Variants in MYOF observed in about 807,000 individuals in gnomAD.
The protein encoded by MYOF is fer-1-like 3, myoferlin.
A neutral mutation model predicts 284.2 loss-of-function variants in MYOF; 244 were observed. That is an observed-to-expected ratio of 0.86 (90% confidence interval 0.77 to 0.95). MYOF has a LOEUF of 0.95. Among genes scored for constraint, MYOF ranks in the 40% least tolerant of loss-of-function variants. The probability of loss-of-function intolerance (pLI) is 0.00; values close to 1 mark genes in which losing one functional copy is unlikely to be tolerated. For missense variants in MYOF, 2,496 were observed against 2,560.6 expected (o/e 0.97, Z 0.54); for synonymous variants, 904 against 919.7 (o/e 0.98, Z 0.31).
chr10:93,326,068 T>G, intron 45 of MYOF, 103 bp from the exon 46 acceptor site: 1 of 1,456,008 alleles, frequency 6.9e-7, no homozygotes, highest in Non-Finnish European at 9.4e-7. Flanking sequence ...TTTGCCAAAA[T>G]GGACAGGCAG....
chr10:93,331,548 C>T (rs530568898), intron 43 of MYOF, among the ~76,000 whole-genome samples: 14 of 152,260 alleles, frequency 9.2e-5, no homozygotes, highest in African/African-American at 2.6e-4. Flanking sequence ...GTCTCCCTCA[C>T]GGGAGCCCTC....
chr10:93,427,222 A>C (rs945666304), intron 4 of MYOF, among the ~76,000 whole-genome samples: 28 of 151,554 alleles, frequency 1.8e-4, no homozygotes, highest in South Asian at 6.2e-4. Flanking sequence ...CAAAACAAAA[A>C]AAAACAGAGA....
At chr10:93,361,363 T>A in intron 28 of MYOF, 89 bp downstream of exon 28, 1 of 1,277,254 alleles carries the variant, frequency 7.8e-7, no homozygotes, top group Non-Finnish European at 1.1e-6. Flanking sequence ...CCAACAGAAG[T>A]GAGGCCCCTC....
intron 49 of MYOF, among the ~76,000 whole-genome samples, chr10:93,318,164 C>T (rs1296426891): frequency 6.6e-6 from 1 of 152,134 alleles, no homozygotes; most frequent in African/African-American, 2.4e-5. Context: ...TCTTAAAAGT[C>T]CCCTTTGTCA....
chr10:93,393,150 G>A (rs1456596381), intron 16 of MYOF, among the ~76,000 whole-genome samples, 195 bp from the exon 17 acceptor site: 3 of 152,138 alleles, frequency 2.0e-5, no homozygotes, highest in South Asian at 2.1e-4. Flanking sequence ...AATGACCCGG[G>A]CAGAACCACC....
intron 50 of MYOF, among the ~76,000 whole-genome samples, chr10:93,314,025 A>G (rs533572227): frequency 6.6e-6 from 1 of 152,350 alleles, no homozygotes; most frequent in South Asian, 2.1e-4. Flanking sequence ...AACGCTCACC[A>G]GGAACTGAGA....
chr10:93,346,440 G>A (rs1243091637), intron 37 of MYOF, among the ~76,000 whole-genome samples: 2 of 152,244 alleles, frequency 1.3e-5, no homozygotes, highest in Non-Finnish European at 2.9e-5. Context: ...TCTAATTTAT[G>A]AGGCCAGGGG....
At chr10:93,321,770 C>T (rs1842851844) in intron 48 of MYOF, among the ~76,000 whole-genome samples, 1 of 152,034 alleles carries the variant, frequency 6.6e-6, no homozygotes, top group African/African-American at 2.4e-5. Context: ...TCAAACAGCT[C>T]CTATAGGTAT....
At chr10:93,318,032 T>C (rs4917736) in intron 49 of MYOF, among the ~76,000 whole-genome samples, 40,608 of 152,012 alleles carry the variant, frequency 0.27, 5,988 homozygotes, top group Non-Finnish European at 0.34. Context: ...TGGGGAGGTC[T>C]GGCCCTAGAT....
intron 5 of MYOF, among the ~76,000 whole-genome samples, chr10:93,413,581 A>G (rs1305857697): frequency 1.3e-5 from 2 of 152,202 alleles, no homozygotes; most frequent in Admixed American, 6.5e-5. Context: ...TTTCACAACC[A>G]CAGAGGGCCA....
intron 2 of MYOF, among the ~76,000 whole-genome samples, chr10:93,454,535 A>C (rs2056685386): frequency 1.3e-5 from 2 of 152,330 alleles, no homozygotes; most frequent in South Asian, 4.1e-4. Context: ...GAGTTCTGTC[A>C]GGTGCTAGGA....
intron 3 of MYOF, among the ~76,000 whole-genome samples, chr10:93,439,375 C>T (rs1156285908): frequency 6.6e-6 from 1 of 152,114 alleles, no homozygotes; most frequent in Non-Finnish European, 1.5e-5. Context: ...TTTCACCTGA[C>T]CAATTCTGTG....
chr10:93,356,878 AC>A (rs781379443), intron 29 of MYOF, 30 bp from the exon 30 acceptor site: 1 of 1,589,042 alleles, frequency 6.3e-7, no homozygotes, highest in Non-Finnish European at 8.6e-7. Flanking sequence ...GTTAATGATG[AC>A]GATGATGATG....
chr10:93,409,827 G>T, intron 5 of MYOF, 88 bp from the exon 6 acceptor site: 2 of 1,503,672 alleles, frequency 1.3e-6, no homozygotes, highest in Non-Finnish European at 1.8e-6. Flanking sequence ...GGTTTTGTCT[G>T]CCATTATGTT....
intron 1 of MYOF, among the ~76,000 whole-genome samples, chr10:93,465,509 TTTTCTTTTTTC>T (rs992397921): frequency 7.2e-6 from 1 of 139,604 alleles, no homozygotes; most frequent in African/African-American, 2.8e-5. Flanking sequence ...TTTCTTTTTC[TTTTCTTTTTTC>T]TTTCTTTTTT....
intron 1 of MYOF, among the ~76,000 whole-genome samples, chr10:93,468,395 A>G (rs12571808): frequency 0.19 from 29,601 of 152,234 alleles, 3,424 homozygotes; most frequent in Middle Eastern, 0.27. Flanking sequence ...ATGAGAAAGC[A>G]TACCCATGCC....
chr10:93,423,806 C>T (rs1848460081), intron 5 of MYOF, among the ~76,000 whole-genome samples: 1 of 151,104 alleles, frequency 6.6e-6, no homozygotes, highest in African/African-American at 2.4e-5. Context: ...GCACTCCAGC[C>T]TGGGCGACAG....
At chr10:93,464,255 A>G (rs2056952978) in intron 1 of MYOF, among the ~76,000 whole-genome samples, 1 of 152,212 alleles carries the variant, frequency 6.6e-6, no homozygotes, top group African/African-American at 2.4e-5. Flanking sequence ...CAACTCTTAC[A>G]TGAATTTCCA....
chr10:93,381,019 T>C (rs1317195193), intron 20 of MYOF, among the ~76,000 whole-genome samples, 200 bp downstream of exon 20: 1 of 152,208 alleles, frequency 6.6e-6, no homozygotes, highest in East Asian at 1.9e-4. Context: ...CCTCTGGCAA[T>C]GGGACCTGCA....
Sources: allele counts gnomAD v4.1 joint callset (sites outside exome capture counted in the v4.1 genomes callset), GRCh38; gene constraint gnomAD v4.1.1; transcripts MANE v1.5; gene names NCBI Gene and HGNC (gene_info 2026-07-23, HGNC 2026-07-21).